The following MIA2 variants were observed in gnomAD, a reference collection of about 807,000 sequenced individuals.
MIA2 encodes the protein melanoma inhibitory activity protein 2.
Under a neutral mutation model 167.8 loss-of-function variants are expected in MIA2, and 127 were observed. The ratio of observed to expected loss-of-function variants is 0.76; its 90% confidence interval spans 0.66 to 0.88. The LOEUF (loss-of-function observed/expected upper bound fraction) is 0.88. Ranked by LOEUF, MIA2 falls within the 40% of genes least tolerant of loss-of-function variation. The pLI, the probability that MIA2 is intolerant of heterozygous loss-of-function variation, is 0.00. For missense variants in MIA2, 1,690 were observed against 1,624.7 expected (o/e 1.04, Z -0.69); for synonymous variants, 552 against 541.9 (o/e 1.02, Z -0.26).
At chr14:39,317,778 A>G (rs1310551220) in intron 21 of MIA2, among the ~76,000 whole-genome samples, 166 bp from the exon 22 acceptor site, 2 of 152,170 alleles carry the variant, frequency 1.3e-5, no homozygotes, top group Non-Finnish European at 2.9e-5. Flanking sequence ...GATCTTTCAG[A>G]GTCTAAGTCT....
At chr14:39,383,672 A>T (rs1362295239) in intron 23 of MIA2, among the ~76,000 whole-genome samples, 1 of 152,222 alleles carries the variant, frequency 6.6e-6, no homozygotes, top group Non-Finnish European at 1.5e-5. Flanking sequence ...TTCTTGAAGG[A>T]AAGTATAGGT....
chr14:39,309,288 G>A (rs1243578803), intron 18 of MIA2, among the ~76,000 whole-genome samples: 1 of 152,066 alleles, frequency 6.6e-6, no homozygotes, highest in Non-Finnish European at 1.5e-5. Flanking sequence ...GGTCACTCTC[G>A]TGCTCAAAAT....
downstream of MIA2, among the ~76,000 whole-genome samples, chr14:39,354,796 A>G (rs1034671562): frequency 4.6e-5 from 7 of 152,262 alleles, no homozygotes; most frequent in Admixed American, 3.9e-4. Flanking sequence ...CAGTTTTCCC[A>G]GCACCATTTA....
intron 23 of MIA2, among the ~76,000 whole-genome samples, chr14:39,375,417 C>G (rs1344844160): frequency 6.6e-6 from 1 of 152,116 alleles, no homozygotes; most frequent in Non-Finnish European, 1.5e-5. Context: ...GGATCCAGGC[C>G]AGGCATGGTG....
At chr14:39,374,979 G>A (rs1009869275) in intron 23 of MIA2, among the ~76,000 whole-genome samples, 2 of 152,202 alleles carry the variant, frequency 1.3e-5, no homozygotes, top group Non-Finnish European at 2.9e-5. Context: ...AACTTTCAGA[G>A]TGTGCTTCAT....
chr14:39,297,683 G>C (rs1365541505), intron 13 of MIA2, among the ~76,000 whole-genome samples: 1 of 151,616 alleles, frequency 6.6e-6, no homozygotes, highest in Non-Finnish European at 1.5e-5. Context: ...GTGTGTGTGT[G>C]TGTGTGTGTG....
intron 9 of MIA2, among the ~76,000 whole-genome samples, chr14:39,288,758 C>T (rs970686749): frequency 2.4e-4 from 36 of 151,626 alleles, no homozygotes; most frequent in Non-Finnish European, 4.3e-4. Flanking sequence ...ACTGTGCCGG[C>T]CAATTTGCAT....
intron 18 of MIA2, among the ~76,000 whole-genome samples, chr14:39,312,297 A>C (rs72675428): frequency 0.034 from 4,339 of 127,904 alleles, 77 homozygotes; most frequent in Middle Eastern, 0.084. Flanking sequence ...GTAAAAACAC[A>C]TCTCTCTTCC....
At chr14:39,378,124 C>T (rs1054768159) in intron 23 of MIA2, among the ~76,000 whole-genome samples, 1 of 152,112 alleles carries the variant, frequency 6.6e-6, no homozygotes, top group Non-Finnish European at 1.5e-5. Flanking sequence ...CAAATTTTGT[C>T]AAGATCAGGT....
chr14:39,315,119 C>CT (rs1349804647), intron 20 of MIA2: 2 of 39,192 alleles, frequency 5.1e-5, no homozygotes, highest in East Asian at 1.6e-3. Context: ...CCTGTCTCTA[C>CT]TAAAAAAAAA....
In MIA2 at chr14:39,247,004, T is replaced by C. The variant is rs1251878355; in HGVS notation, c.430T>C (p.Tyr144His). The C allele has an allele frequency of 1.3e-6, 2 of 1,585,186 alleles. No individual in the cohort carries two copies. The highest frequency in any genetic ancestry group is 1.7e-6 in the Non-Finnish European group (2 of 1,169,250). Residue 144 changes from tyrosine to histidine, a missense_variant, in exon 4 of 29, where the codon TAT (tyrosine) becomes CAT (histidine). Coordinates refer to ENST00000640607, the MANE Select transcript of MIA2 (RefSeq NM_001329214.4). Reference sequence around the variant, plus strand: ...TGATTATGGTGAAAATATATATCCTTATGAAGAAGATAAAGATGAAAAATC... The same window carrying C: ...TGATTATGGTGAAAATATATATCCTCATGAAGAAGATAAAGATGAAAAATC... ...NGDYGENIYP[Y>H]EEDKDEKSSI...
At chr14:39,344,501 T>G (rs2153065383) in intron 25 of MIA2, among the ~76,000 whole-genome samples, 1 of 152,328 alleles carries the variant, frequency 6.6e-6, no homozygotes, top group East Asian at 1.9e-4. Flanking sequence ...CTTTCTCTCC[T>G]CAGTCACATC....
chr14:39,297,666 C>CGTGCGTGTGTGTGTGT (rs1555375079), intron 13 of MIA2, among the ~76,000 whole-genome samples: 1 of 140,074 alleles, frequency 7.1e-6, no homozygotes. Flanking sequence ...TAGGGTTTTG[C>CGTGCGTGTGTGTGTGT]GTGTGTGTGT....
chr14:39,241,814 C>T (rs1190173123), intron 3 of MIA2, among the ~76,000 whole-genome samples: 5 of 152,176 alleles, frequency 3.3e-5, no homozygotes, highest in African/African-American at 1.2e-4. Context: ...ACCCTGGCTT[C>T]GCATTCCCAC....
At chr14:39,271,196 C>T (rs1338402764) in intron 6 of MIA2, among the ~76,000 whole-genome samples, 1 of 152,062 alleles carries the variant, frequency 6.6e-6, no homozygotes, top group Non-Finnish European at 1.5e-5. Context: ...TTGGCTTATT[C>T]TAGTATGATT....
intron 4 of MIA2, among the ~76,000 whole-genome samples, chr14:39,251,428 A>G (rs1300793273): frequency 1.3e-5 from 2 of 151,572 alleles, no homozygotes; most frequent in East Asian, 3.8e-4. Context: ...GCTTAGGTTT[A>G]AATGTGTAAA....
At chr14:39,298,860 G>T (rs2061923829) in intron 13 of MIA2, among the ~76,000 whole-genome samples, 1 of 150,158 alleles carries the variant, frequency 6.7e-6, no homozygotes, top group African/African-American at 2.4e-5. Context: ...CAGGTGGGAG[G>T]ATCACTTGAG....
rs1340272401 is a variant in MIA2 at position 39,338,557 on chromosome 14, A to G, written c.3656-7347A>G. 2.6e-5 allele frequency among the ~76,000 whole-genome samples: 4 copies of G among 152,284 alleles called. No homozygotes were observed. The East Asian group carries it at 7.7e-4, about 29-fold the overall frequency. On this transcript the variant is annotated intron_variant, in intron 25 of 28. Coordinates refer to ENST00000640607, the MANE Select transcript of MIA2 (RefSeq NM_001329214.4). ...ATTTTAGCAGAAAAAATGTTCTTGA[A>G]TAATGTAAGTGAGTTGATAATATTC... is the stretch of plus-strand genomic sequence containing the variant.
chr14:39,376,553 ATG>A (rs2075050037), intron 23 of MIA2, among the ~76,000 whole-genome samples: 1 of 152,236 alleles, frequency 6.6e-6, no homozygotes, highest in Admixed American at 6.5e-5. Context: ...ACATAAGAGA[ATG>A]TACTATTTCA....
Sources: gnomAD v4.1 joint callset for allele counts (sites outside exome capture counted in the v4.1 genomes callset) on GRCh38, gnomAD v4.1.1 for gene constraint, MANE v1.5 for transcripts, NCBI Gene and HGNC (gene_info 2026-07-23, HGNC 2026-07-21) for gene names.